CACNA1A: variants seen among roughly 807,000 people sequenced by gnomAD.
CACNA1A encodes the protein calcium voltage-gated channel subunit alpha1 A, also known as voltage-dependent P/Q-type calcium channel subunit alpha-1A.
In CACNA1A, 57 loss-of-function variants were observed where a neutral mutation model predicts 262.4. The observed-to-expected ratio is 0.22, with a 90% CI of 0.18 to 0.27. CACNA1A has a LOEUF of 0.27. Ranked by LOEUF, CACNA1A falls within the 10% of genes least tolerant of loss-of-function variation. CACNA1A has a pLI of 1.00. For synonymous variants in CACNA1A, 1,431 were observed against 1,419.3 expected (o/e 1.01, Z -0.18); for missense variants, 2,526 against 3,562.8 (o/e 0.71, Z 7.41).
At chr19:13,237,289 A>G (rs1487111866) in intron 31 of CACNA1A, among the ~76,000 whole-genome samples, 1 of 152,106 alleles carries the variant, frequency 6.6e-6, no homozygotes. Flanking sequence ...GTCTCTCCAC[A>G]CTAAGGGAAG....
In CACNA1A at chr19:13,406,942, CACAA is replaced by C. The variant is rs528450188; in HGVS notation, c.540-35167_540-35164del. ...CAACACACAAGCACATTCACACACACACAAACACACACACACATGCACACATGTA... is the reference window on the plus strand; with the variant it reads ...CAACACACAAGCACATTCACACACACACACACACACACATGCACACATGTA... On this transcript the variant is annotated intron_variant, in intron 3 of 46. Transcript: ENST00000360228. Among the ~76,000 whole-genome samples, 326 of 152,028 alleles carry C rather than the reference CACAA, an allele frequency of 2.1e-3. 1 individual carries two copies. Among genetic ancestry groups the C allele is most frequent in the African/African-American group, 7.3e-3 (303 of 41,436 alleles).
chr19:13,485,696 C>T (rs1455376086), intron 1 of CACNA1A, among the ~76,000 whole-genome samples: 1 of 152,154 alleles, frequency 6.6e-6, no homozygotes, highest in Non-Finnish European at 1.5e-5. Context: ...AAGGCTATAA[C>T]TTAAAAACCT....
chr19:13,305,214 T>C (rs766887374), intron 15 of CACNA1A, among the ~76,000 whole-genome samples: 3 of 152,158 alleles, frequency 2.0e-5, no homozygotes, highest in Non-Finnish European at 4.4e-5. Context: ...TCATCCCACC[T>C]GAGGGTGAGG....
At position 13,410,650 on chromosome 19, in the gene CACNA1A, G is replaced by A. The variant is rs1456689169; in HGVS notation, c.540-38871C>T. 4.7e-5 allele frequency among the ~76,000 whole-genome samples: 7 copies of A among 148,952 alleles called. No individual in the cohort carries two copies. In the Admixed American group the frequency reaches 4.8e-4, roughly 10 times the overall value. On this transcript the variant is annotated intron_variant, in intron 3 of 46. Coordinates refer to ENST00000360228, the MANE Select transcript of CACNA1A (RefSeq NM_001127222.2). ...CCCTTCACAGCAGAACTCTTTAAAA[G>A]AGCTAGTAGTAATCCTTCCAGTAGC... is the stretch of plus-strand genomic sequence containing the variant.
intron 3 of CACNA1A, among the ~76,000 whole-genome samples, chr19:13,406,903 C>T (rs2144720886): frequency 6.6e-6 from 1 of 152,076 alleles, no homozygotes; most frequent in South Asian, 2.1e-4. Context: ...TCTTCTCTTG[C>T]CATTTCCCTC....
Position 13,207,685 on chromosome 19 carries a change from A to G in CACNA1A, c.7149T>C (p.Cys2383=). Reference sequence around the variant, plus strand: ...CCGGCCACCGGGCCCCGCCGTGTCGACAGGCCCTGGGGGACTCGCTCCGGG... The same window carrying G: ...CCGGCCACCGGGCCCCGCCGTGTCGGCAGGCCCTGGGGGACTCGCTCCGGG... ...GPARSESPRA[C]RHGGARWPAS... is the part of the protein sequence containing the mutation. The change falls in exon 47 of 47, where the codon TGT becomes TGC. Residue 2383 remains cysteine, a synonymous_variant. Coordinates refer to ENST00000360228, the MANE Select transcript of CACNA1A (RefSeq NM_001127222.2). The surrounding 1 kb of genome is among the most constrained non-coding windows in gnomAD (Gnocchi z 5.7). 7.0e-7 allele frequency: 1 copy of G among 1,419,684 alleles called. No homozygotes were observed. The highest frequency in any genetic ancestry group is 9.2e-7 in the Non-Finnish European group (1 of 1,086,192). 87.9% of individuals were successfully genotyped at this position (1,419,684 alleles called of 1,614,324 possible).
chr19:13,330,585 C>T (rs2058450747), intron 9 of CACNA1A, among the ~76,000 whole-genome samples: 1 of 133,264 alleles, frequency 7.5e-6, no homozygotes, highest in Non-Finnish European at 1.6e-5. Flanking sequence ...TATTTTCCTT[C>T]TGGTTTATTT....
chr19:13,307,927 C>T, intron 14 of CACNA1A, 73 bp from the exon 15 acceptor site: 1 of 1,459,242 alleles, frequency 6.9e-7, no homozygotes, highest in African/African-American at 1.4e-5. Flanking sequence ...AGTATCTCAT[C>T]TCCAAGGAAA....
intron 15 of CACNA1A, 121 bp from the exon 16 acceptor site, chr19:13,304,005 C>T: frequency 1.4e-6 from 1 of 699,110 alleles, no homozygotes; most frequent in South Asian, 1.8e-5. Flanking sequence ...CTTTAACAAT[C>T]CTGCCCGGTT....
chr19:13,349,944 G>T (rs2145207176), intron 6 of CACNA1A, among the ~76,000 whole-genome samples: 1 of 152,292 alleles, frequency 6.6e-6, no homozygotes, highest in Non-Finnish European at 1.5e-5. Flanking sequence ...CAGGGAAGAG[G>T]CCCGTCTAGT....
rs1174830824 is a variant in CACNA1A at position 13,212,165 on chromosome 19, A to G, written c.6241T>C (p.Tyr2081His). 1.2e-6 allele frequency: 2 copies of G among 1,613,694 alleles called. No homozygotes were observed. Among genetic ancestry groups the G allele is most frequent in the African/African-American group, 1.3e-5 (1 of 74,914 alleles). The change falls in exon 43 of 47, where the codon TAC (tyrosine) becomes CAC (histidine). Residue 2081 changes from tyrosine to histidine, a missense_variant. Physicochemically the swap from Tyr to His is moderately conservative, Grantham distance 83 (BLOSUM62 2). Around this residue, in one of 17 missense-constraint regions of CACNA1A, gnomAD observed 929 missense variants for 868.1 expected, o/e 1.07. Transcript: ENST00000360228. This position sits in a 1 kb window ranked among gnomAD's most constrained non-coding sequence, Gnocchi z 5.6. ...CGGCCCTGGCCTTCCATGGGGAGGTAGTGCTCGCTGTCGGAGTAGCCATCT... is the reference window on the plus strand; with the variant it reads ...CGGCCCTGGCCTTCCATGGGGAGGTGGTGCTCGCTGTCGGAGTAGCCATCT... ...GRDGYSDSEH[Y>H]LPMEGQGRAA...
At chr19:13,285,325 T>A in intron 20 of CACNA1A, 119 bp from the exon 21 acceptor site, 13 of 1,039,542 alleles carry the variant, frequency 1.3e-5, no homozygotes, top group Non-Finnish European at 1.8e-5. Flanking sequence ...GCCTGCTGTA[T>A]ATACCAGGCA....
chr19:13,250,497 A>G (rs1050461445), intron 30 of CACNA1A, among the ~76,000 whole-genome samples: 6 of 151,964 alleles, frequency 3.9e-5, no homozygotes, highest in African/African-American at 1.5e-4. Flanking sequence ...CCCACGTTCA[A>G]ATGATTCTCC....
intron 1 of CACNA1A, among the ~76,000 whole-genome samples, chr19:13,470,848 ACTC>A (rs1180302746): frequency 3.3e-5 from 5 of 152,024 alleles, no homozygotes; most frequent in Non-Finnish European, 5.9e-5. Flanking sequence ...TAGCTATACC[ACTC>A]TGTGTCTTCT....
At chr19:13,336,263 C>A (rs1400421669) in intron 6 of CACNA1A, among the ~76,000 whole-genome samples, 1 of 152,108 alleles carries the variant, frequency 6.6e-6, no homozygotes, top group Non-Finnish European at 1.5e-5. Flanking sequence ...TCCCTGGTTC[C>A]TTCTCTTCTC....
At chr19:13,324,426 T>G (rs1231798324) in intron 10 of CACNA1A, among the ~76,000 whole-genome samples, 1 of 152,168 alleles carries the variant, frequency 6.6e-6, no homozygotes, top group Non-Finnish European at 1.5e-5. Context: ...TCAAAATTGC[T>G]AAGAGATTTT....
Position 13,208,824 on chromosome 19 carries a change from C to T in CACNA1A, c.6712G>A (p.Ala2238Thr). ...GACCAGCGCTGGTCCCGAGCCCGTG[C>T]CCGGCCGTGGTCCGGCCGTTCCTGG... ...YAQERPDHGR[A>T]RARDQRWSRS... is the part of the protein sequence containing the mutation. Residue 2238 changes from alanine (A) to threonine (T), a missense_variant, in exon 46 of 47, where the codon GCA (alanine) becomes ACA (threonine). By Grantham distance (58) the Ala-to-Thr change is moderately conservative. Around this residue, in one of 17 missense-constraint regions of CACNA1A, gnomAD observed 929 missense variants for 868.1 expected, o/e 1.07. Transcript: ENST00000360228. 1.9e-6 allele frequency: 3 copies of T among 1,544,696 alleles called. No individual in the cohort carries two copies. Among genetic ancestry groups the T allele is most frequent in the African/African-American group, 2.7e-5 (2 of 73,592 alleles).
intron 30 of CACNA1A, among the ~76,000 whole-genome samples, chr19:13,249,469 C>T (rs1025850728): frequency 1.3e-5 from 2 of 152,112 alleles, no homozygotes; most frequent in Non-Finnish European, 1.5e-5. Context: ...CATCCTCTCA[C>T]CTCAGCCTCC....
At chr19:13,311,653 C>A (rs1287482056) in intron 12 of CACNA1A, among the ~76,000 whole-genome samples, 1 of 152,116 alleles carries the variant, frequency 6.6e-6, no homozygotes, top group South Asian at 2.1e-4. Context: ...CTGGCTAACA[C>A]GGTGAAACCC....
Sources: allele counts gnomAD v4.1 joint callset (sites outside exome capture counted in the v4.1 genomes callset), GRCh38; gene constraint gnomAD v4.1.1; regional missense constraint gnomAD v4.1.1; non-coding constraint Gnocchi (gnomAD v3.1); transcripts MANE v1.5; gene names NCBI Gene and HGNC (gene_info 2026-07-23, HGNC 2026-07-21).